The following FAM81A variants were observed in gnomAD, a reference collection of about 807,000 sequenced individuals.
The protein encoded by FAM81A is protein FAM81A.
In FAM81A, 19 loss-of-function variants were observed where a neutral mutation model predicts 46.7. That is an observed-to-expected ratio of 0.41 (90% confidence interval 0.28 to 0.60). The LOEUF (loss-of-function observed/expected upper bound fraction) is 0.60. FAM81A is among the 20% of genes least tolerant of loss of function. The pLI is 0.34. For missense variants in FAM81A, 377 were observed against 453.5 expected (o/e 0.83, Z 1.53); for synonymous variants, 183 against 152.9 (o/e 1.20, Z -1.45).
chr15:59,414,786 ACTC>A, intron 2 of FAM81A, among the ~76,000 whole-genome samples: 1 of 151,822 alleles, frequency 6.6e-6, no homozygotes, highest in Non-Finnish European at 1.5e-5. Flanking sequence ...CATTTCCTGA[ACTC>A]CTTCATTACC....
At chr15:59,398,108 A>G (rs1227636510) in intron 1 of FAM81A, among the ~76,000 whole-genome samples, 1 of 152,168 alleles carries the variant, frequency 6.6e-6, no homozygotes, top group African/African-American at 2.4e-5. Flanking sequence ...GCAACATTTG[A>G]AGTGGTTTGA....
chr15:59,400,775 T>C (rs12902190), intron 1 of FAM81A, among the ~76,000 whole-genome samples: 71,296 of 152,098 alleles, frequency 0.47, 18,483 homozygotes, highest in Non-Finnish European at 0.59. Context: ...GTTGCTTTCA[T>C]GGGGGAAGTC....
intron 1 of FAM81A, among the ~76,000 whole-genome samples, chr15:59,449,754 C>T (rs1291611358): frequency 7.7e-6 from 1 of 130,062 alleles, no homozygotes; most frequent in Non-Finnish European, 1.5e-5. Flanking sequence ...TGCACTCCAG[C>T]CTGGGCGACA....
rs752275108 is a variant in FAM81A at position 59,523,411 on chromosome 15, C to A, written c.*2033C>A. 5.8e-4 allele frequency: 88 copies of A among 152,290 alleles called. No homozygotes were observed. The highest frequency in any genetic ancestry group is 2.1e-3 in the African/African-American group (87 of 41,548). The allele number at this position is 152,290 out of a possible 1,614,324, so 9.4% of individuals were successfully genotyped here. A position where few individuals can be genotyped will look rare whatever the true frequency, so the allele number is the denominator to read the frequency against. On this transcript the variant is annotated 3_prime_UTR_variant, in exon 9 of 9. Transcript: ENST00000288228. ...CATCAGTGCGTGCCCGAGGCCTCCGCGTGTTTGGGTGTGCAGCCGAGGTGG... is the reference window on the plus strand; with the variant it reads ...CATCAGTGCGTGCCCGAGGCCTCCGAGTGTTTGGGTGTGCAGCCGAGGTGG...
At chr15:59,474,767 T>G (rs2081744199) in intron 3 of FAM81A, among the ~76,000 whole-genome samples, 1 of 152,220 alleles carries the variant, frequency 6.6e-6, no homozygotes, top group Non-Finnish European at 1.5e-5. Flanking sequence ...TCAGATAGGC[T>G]GAGTGAAGTG....
chr15:59,466,139 T>C (rs1157544035), intron 3 of FAM81A, among the ~76,000 whole-genome samples: 4 of 152,232 alleles, frequency 2.6e-5, no homozygotes, highest in African/African-American at 9.6e-5. Context: ...TCCAAGTCTT[T>C]GCTATTCTGA....
At chr15:59,424,357 G>T (rs1240689765) in intron 2 of FAM81A, among the ~76,000 whole-genome samples, 3 of 152,010 alleles carry the variant, frequency 2.0e-5, no homozygotes, top group Non-Finnish European at 1.5e-5. Flanking sequence ...CTGGCCCAGG[G>T]CTTCATTCTG....
intron 4 of FAM81A, among the ~76,000 whole-genome samples, chr15:59,506,839 T>G (rs73417089): frequency 0.1 from 15,854 of 152,200 alleles, 1,650 homozygotes; most frequent in African/African-American, 0.27. Context: ...GGTAGAAGTT[T>G]CCTCCCAAAT....
chr15:59,512,768 T>C (rs930450076), intron 6 of FAM81A, among the ~76,000 whole-genome samples: 6 of 152,136 alleles, frequency 3.9e-5, no homozygotes, highest in Non-Finnish European at 8.8e-5. Context: ...CAACTCAGTG[T>C]GGTTTTTCCA....
intron 2 of FAM81A, among the ~76,000 whole-genome samples, chr15:59,425,034 C>G (rs1015440805): frequency 1.3e-5 from 2 of 152,132 alleles, no homozygotes; most frequent in Admixed American, 6.5e-5. Flanking sequence ...CTTTTTCCCT[C>G]TTTTATTTAA....
intron 5 of FAM81A, among the ~76,000 whole-genome samples, chr15:59,508,143 G>A (rs567714722): frequency 6.6e-6 from 1 of 152,256 alleles, no homozygotes; most frequent in African/African-American, 2.4e-5. Context: ...TGAAGAATGA[G>A]TGAGAATGGA....
At chr15:59,503,294 G>A (rs1263355599) in intron 4 of FAM81A, among the ~76,000 whole-genome samples, 1 of 150,688 alleles carries the variant, frequency 6.6e-6, no homozygotes, top group Non-Finnish European at 1.5e-5. Context: ...ACTCCTTAGA[G>A]GTAACTAATG....
chr15:59,418,330 T>G (rs1229829506), intron 2 of FAM81A, among the ~76,000 whole-genome samples: 4 of 152,226 alleles, frequency 2.6e-5, no homozygotes, highest in Admixed American at 2.0e-4. Flanking sequence ...AAGAAGTTCT[T>G]TGGATGCAAT....
intron 2 of FAM81A, chr15:59,407,658 G>C: frequency 6.0e-6 from 1 of 165,480 alleles, no homozygotes. Context: ...CAACTAGCTC[G>C]ATGGGATCCA....
intron 7 of FAM81A, among the ~76,000 whole-genome samples, chr15:59,516,033 C>T (rs1459674343): frequency 6.6e-5 from 10 of 151,722 alleles, no homozygotes; most frequent in South Asian, 2.1e-4. Context: ...AAGGGAAGGA[C>T]GAAGGAAGAA....
chr15:59,427,783 A>G (rs1282799615), intron 2 of FAM81A, among the ~76,000 whole-genome samples: 4 of 152,240 alleles, frequency 2.6e-5, no homozygotes, highest in African/African-American at 4.8e-5. Flanking sequence ...TATAGGTACC[A>G]TATTTTCTTT....
chr15:59,415,453 G>T (rs1052604917), intron 2 of FAM81A, among the ~76,000 whole-genome samples: 4 of 152,204 alleles, frequency 2.6e-5, no homozygotes, highest in East Asian at 1.9e-4. Flanking sequence ...CTGATCTTGA[G>T]ATGGGGCCAA....
Position 59,460,303 on chromosome 15 carries a change from A to T in FAM81A, c.294+97A>T. The T allele has an allele frequency of 6.7e-7, 1 of 1,493,796 alleles. No individual in the cohort carries two copies. The highest frequency in any genetic ancestry group is 9.3e-7 in the Non-Finnish European group (1 of 1,074,168). 92.5% of individuals were successfully genotyped at this position (1,493,796 alleles called of 1,614,324 possible). A position where few individuals can be genotyped will look rare whatever the true frequency, so the allele number is the denominator to read the frequency against. ...ATCTAACTCCTACCTCCCAGGCAGT[A>T]CTGCATTTAGAACAAAGCTGTCTGT... On this transcript the variant is annotated intron_variant, in intron 3 of 8. Transcript: ENST00000288228. The surrounding 1 kb of genome is among the most constrained non-coding windows in gnomAD (Gnocchi z 4.4).
In FAM81A at chr15:59,489,157, C is replaced by T. The variant is rs933394375; in HGVS notation, c.295-3114C>T. 6.2e-4 allele frequency among the ~76,000 whole-genome samples: 94 copies of T among 151,616 alleles called. 1 individual carries two copies. Among genetic ancestry groups the T allele is most frequent in the African/African-American group, 2.0e-3 (84 of 41,356 alleles). On this transcript the variant is annotated intron_variant, in intron 3 of 8. Coordinates refer to ENST00000288228, the MANE Select transcript of FAM81A (RefSeq NM_152450.3). ...GCGGGCGCCTGTAGTCCCAGCTACT[C>T]GGGAGGCTGAGGCAGGAGAATGGCA...
Sources: allele counts gnomAD v4.1 joint callset (sites outside exome capture counted in the v4.1 genomes callset), GRCh38; gene constraint gnomAD v4.1.1; non-coding constraint Gnocchi (gnomAD v3.1); transcripts MANE v1.5; gene names NCBI Gene and HGNC (gene_info 2026-07-23, HGNC 2026-07-21).